Variants in SNTG1 observed in about 807,000 individuals in gnomAD.
SNTG1 encodes gamma-1-syntrophin.
In SNTG1, 39 loss-of-function variants were observed where a neutral mutation model predicts 74.7. The ratio of observed to expected loss-of-function variants is 0.52; its 90% CI spans 0.40 to 0.68. SNTG1 has a LOEUF of 0.68. SNTG1 is among the 30% of genes least tolerant of loss of function. SNTG1 has a pLI of 0.00. For missense variants in SNTG1, 685 were observed against 609.5 expected, an observed-to-expected ratio of 1.12 and a Z score of -1.30; for synonymous variants, 254 against 217.1, an observed-to-expected ratio of 1.17 and a Z score of -1.49.
rs150101408 is a variant in SNTG1 at position 50,562,820 on chromosome 8, G to A, written c.810+9641G>A. ...TGTTAGAAAACAACCTAACATTTACGTTATTAATTAGTCCCAGTGCAAATC... is the reference window on the plus strand; with the variant it reads ...TGTTAGAAAACAACCTAACATTTACATTATTAATTAGTCCCAGTGCAAATC... On this transcript the variant is annotated intron_variant, in intron 12 of 18. Coordinates refer to ENST00000642720, the MANE Select transcript of SNTG1 (RefSeq NM_018967.5). Among the ~76,000 whole-genome samples the A allele has an allele frequency of 5.5e-3, 830 of 152,208 alleles. 7 individuals carry two copies. The highest frequency in any genetic ancestry group is 0.019 in the African/African-American group (770 of 41,524).
At chr8:50,278,115 A>G (rs1361249898) in intron 2 of SNTG1, among the ~76,000 whole-genome samples, 1 of 152,088 alleles carries the variant, frequency 6.6e-6, no homozygotes, top group Non-Finnish European at 1.5e-5. Context: ...AGAGGTTGCA[A>G]TGAGCCAAGA....
intron 17 of SNTG1, among the ~76,000 whole-genome samples, chr8:50,723,426 T>C (rs376333768): frequency 2.2e-4 from 33 of 152,270 alleles, no homozygotes; most frequent in African/African-American, 6.0e-4. Flanking sequence ...ACAGAGACCA[T>C]TGGGCTTGCA....
At chr8:50,731,586 A>G (rs1192097448) in intron 17 of SNTG1, among the ~76,000 whole-genome samples, 2 of 152,086 alleles carry the variant, frequency 1.3e-5, no homozygotes, top group African/African-American at 2.4e-5. Flanking sequence ...CTCTACACGT[A>G]CTTCTAACAG....
At chr8:50,286,160 T>C (rs977889791) in intron 2 of SNTG1, among the ~76,000 whole-genome samples, 13 of 152,180 alleles carry the variant, frequency 8.5e-5, no homozygotes, top group Non-Finnish European at 1.8e-4. Context: ...TGCCTTATGA[T>C]TGAGGTGAGG....
intron 1 of SNTG1, among the ~76,000 whole-genome samples, chr8:50,123,377 C>G (rs1452460353): frequency 7.0e-6 from 1 of 142,110 alleles, no homozygotes; most frequent in African/African-American, 2.5e-5. Context: ...CTGCACAGGT[C>G]TTATGTGAAT....
intron 13 of SNTG1, among the ~76,000 whole-genome samples, chr8:50,594,598 T>C (rs1422565672): frequency 6.6e-6 from 1 of 152,072 alleles, no homozygotes; most frequent in Non-Finnish European, 1.5e-5. Flanking sequence ...ATACCATACA[T>C]AGAATGTTGG....
intron 1 of SNTG1, among the ~76,000 whole-genome samples, chr8:50,018,655 A>G (rs75914910): frequency 0.059 from 8,944 of 152,108 alleles, 305 homozygotes; most frequent in Middle Eastern, 0.099. Context: ...GACATTATCA[A>G]ATTAAAAACT....
chr8:50,404,507 C>T (rs142135631), intron 4 of SNTG1, among the ~76,000 whole-genome samples: 59 of 152,004 alleles, frequency 3.9e-4, no homozygotes, highest in African/African-American at 9.9e-4. Flanking sequence ...CTGATTTCAG[C>T]GCTTACTATA....
At position 50,710,056 on chromosome 8, in the gene SNTG1, C is replaced by A. The variant is rs571321860; in HGVS notation, c.1284+1078C>A. ...AAAGATGAATGTCTAATGGTGGGAT[C>A]CAGGTAGGATGCCGCCCTGTGTTCA... On this transcript the variant is annotated intron_variant, in intron 17 of 18. Transcript: ENST00000642720. Among the ~76,000 whole-genome samples, 216 of 152,206 alleles carry A rather than the reference C, an allele frequency of 1.4e-3. 1 individual carries two copies. The highest frequency in any genetic ancestry group is 4.9e-3 in the African/African-American group (202 of 41,528).
At chr8:49,938,603 T>TTTTTTTTTTTTTCTTTCTTTCTTTCTTTC (rs1554524905) in intron 1 of SNTG1, among the ~76,000 whole-genome samples, 2 of 74,752 alleles carry the variant, frequency 2.7e-5, no homozygotes, top group Admixed American at 3.3e-4. Context: ...TTTTCTTTTC[T>TTTTTTTTTTTTTCTTTCTTTCTTTCTTTC]TTTCTTTCTT....
At chr8:50,770,706 G>A in intron 18 of SNTG1, among the ~76,000 whole-genome samples, 1 of 152,064 alleles carries the variant, frequency 6.6e-6, no homozygotes, top group South Asian at 2.1e-4. Context: ...GGCCTATTGG[G>A]AGGTGTCTGG....
rs188403526 is a variant in SNTG1, at chr8:50,388,318, C to G, written c.-27-5894C>G. On this transcript the variant is annotated intron_variant, in intron 2 of 18. Transcript: ENST00000642720. ...TATCAAATACTTGGTCACTGAGAACCTTGCCTTATCAATACTTGAGTAGTA... is the reference window on the plus strand; with the variant it reads ...TATCAAATACTTGGTCACTGAGAACGTTGCCTTATCAATACTTGAGTAGTA... Among the ~76,000 whole-genome samples, 11 of 152,276 alleles carry G rather than the reference C, an allele frequency of 7.2e-5. 1 individual carries two copies. Among genetic ancestry groups the G allele is most frequent in the Admixed American group, 6.5e-4 (10 of 15,298 alleles).
At chr8:50,440,955 A>C (rs1268227848) in intron 5 of SNTG1, among the ~76,000 whole-genome samples, 1 of 152,172 alleles carries the variant, frequency 6.6e-6, no homozygotes, top group East Asian at 1.9e-4. Flanking sequence ...GACAGAATTC[A>C]GTCAAATGCT....
chr8:50,461,720 A>ACTGT (rs2093564384), intron 8 of SNTG1, among the ~76,000 whole-genome samples: 2 of 97,596 alleles, frequency 2.0e-5, no homozygotes, highest in African/African-American at 7.6e-5. Context: ...TGTTGTTGTT[A>ACTGT]TTGTTTGTTT....
chr8:49,970,388 T>G (rs1363945874), intron 1 of SNTG1, among the ~76,000 whole-genome samples: 1 of 152,214 alleles, frequency 6.6e-6, no homozygotes, highest in Non-Finnish European at 1.5e-5. Flanking sequence ...GTAATGCATG[T>G]GTGTTTAGCC....
At chr8:50,600,316 A>G (rs1199447744) in intron 13 of SNTG1, among the ~76,000 whole-genome samples, 1 of 152,076 alleles carries the variant, frequency 6.6e-6, no homozygotes, top group Admixed American at 6.6e-5. Context: ...TCCTTATAGA[A>G]TAAGTTTGGA....
chr8:50,687,397 T>C (rs1368766512), intron 15 of SNTG1, among the ~76,000 whole-genome samples: 1 of 152,136 alleles, frequency 6.6e-6, no homozygotes, highest in African/African-American at 2.4e-5. Flanking sequence ...CTGATTAAAA[T>C]ACATGTACCT....
chr8:50,533,061 T>C (rs1418933215), intron 10 of SNTG1, among the ~76,000 whole-genome samples: 1 of 152,208 alleles, frequency 6.6e-6, no homozygotes, highest in East Asian at 1.9e-4. Flanking sequence ...AATCTATTCC[T>C]TCTAAAGATG....
At chr8:49,969,008 G>A (rs1028843820) in intron 1 of SNTG1, among the ~76,000 whole-genome samples, 2 of 152,178 alleles carry the variant, frequency 1.3e-5, no homozygotes, top group Non-Finnish European at 2.9e-5. Context: ...AGGGGACAGA[G>A]AGAGAATATT....
Sources: gnomAD v4.1 joint callset for allele counts (sites outside exome capture counted in the v4.1 genomes callset) on GRCh38, gnomAD v4.1.1 for gene constraint, MANE v1.5 for transcripts, NCBI Gene and HGNC (gene_info 2026-07-23, HGNC 2026-07-21) for gene names.